The following ARHGAP24 variants were observed in gnomAD, a reference collection of about 807,000 sequenced individuals.
ARHGAP24 encodes the protein rho GTPase-activating protein 24.
Under a neutral mutation model 76.4 loss-of-function variants are expected in ARHGAP24, and 50 were observed. The ratio of observed to expected loss-of-function variants is 0.65; its 90% CI spans 0.52 to 0.83. The LOEUF (loss-of-function observed/expected upper bound fraction) is 0.83. Ranked by LOEUF, ARHGAP24 falls within the 40% of genes least tolerant of loss-of-function variation. The pLI is 0.00. For missense variants in ARHGAP24, 930 were observed against 914.2 expected (o/e 1.02, Z -0.22); for synonymous variants, 345 against 323.3 (o/e 1.07, Z -0.72).
At chr4:85,875,590 T>A (rs1348031620) in intron 3 of ARHGAP24, among the ~76,000 whole-genome samples, 1 of 112,108 alleles carries the variant, frequency 8.9e-6, no homozygotes, top group Non-Finnish European at 1.7e-5. Flanking sequence ...ATATATATTT[T>A]ATATTATATT....
intron 3 of ARHGAP24, among the ~76,000 whole-genome samples, chr4:85,911,743 A>G (rs530176496): frequency 3.9e-5 from 6 of 152,336 alleles, no homozygotes; most frequent in African/African-American, 1.2e-4. Flanking sequence ...TAATTTTTAA[A>G]CATAAGACTA....
chr4:85,477,664 C>T (rs1722651736), intron 1 of ARHGAP24, among the ~76,000 whole-genome samples: 1 of 152,110 alleles, frequency 6.6e-6, no homozygotes, highest in African/African-American at 2.4e-5. Context: ...GATGAGTAGT[C>T]CGAGTATGAT....
chr4:85,671,773 GC>G (rs1229906817), intron 2 of ARHGAP24, among the ~76,000 whole-genome samples: 2 of 152,172 alleles, frequency 1.3e-5, no homozygotes, highest in African/African-American at 4.8e-5. Flanking sequence ...GGGTAGGATT[GC>G]CTATAAAAAT....
intron 3 of ARHGAP24, among the ~76,000 whole-genome samples, chr4:85,781,513 A>G (rs1727553465): frequency 6.6e-6 from 1 of 152,074 alleles, no homozygotes; most frequent in Non-Finnish European, 1.5e-5. Context: ...TGATCATTTA[A>G]CTTTATTTGG....
At chr4:85,944,970 C>T (rs1286024380) in intron 5 of ARHGAP24, among the ~76,000 whole-genome samples, 1 of 152,172 alleles carries the variant, frequency 6.6e-6, no homozygotes, top group Non-Finnish European at 1.5e-5. Flanking sequence ...GCCTCAGCCT[C>T]CTGAGTAGCT....
intron 3 of ARHGAP24, among the ~76,000 whole-genome samples, chr4:85,909,518 T>C (rs1330329870): frequency 2.6e-5 from 4 of 152,218 alleles, no homozygotes; most frequent in Non-Finnish European, 2.9e-5. Context: ...TGTCAATCTG[T>C]ATTTGGACTT....
chr4:85,741,037 T>C (rs1489048566), intron 3 of ARHGAP24, among the ~76,000 whole-genome samples: 1 of 152,218 alleles, frequency 6.6e-6, no homozygotes, highest in East Asian at 1.9e-4. Flanking sequence ...TACAAAGAAA[T>C]TGAAGCTTCA....
intron 1 of ARHGAP24, among the ~76,000 whole-genome samples, chr4:85,506,105 C>T (rs558537991): frequency 7.1e-4 from 108 of 152,216 alleles, no homozygotes; most frequent in Non-Finnish European, 4.1e-4. Context: ...CCTGATCATT[C>T]CTCTGGAAGC....
intron 3 of ARHGAP24, among the ~76,000 whole-genome samples, chr4:85,774,399 A>G (rs943897866): frequency 6.6e-6 from 1 of 152,224 alleles, no homozygotes; most frequent in African/African-American, 2.4e-5. Flanking sequence ...TTTAGAAAAC[A>G]TATGTTGCAA....
chr4:85,884,601 T>C (rs374688685), intron 3 of ARHGAP24, among the ~76,000 whole-genome samples: 3 of 152,030 alleles, frequency 2.0e-5, no homozygotes, highest in African/African-American at 7.2e-5. Flanking sequence ...CCTCTGGGGG[T>C]CTATAAACTA....
intron 2 of ARHGAP24, among the ~76,000 whole-genome samples, chr4:85,719,668 A>G (rs1261194126): frequency 6.6e-6 from 1 of 152,200 alleles, no homozygotes; most frequent in African/African-American, 2.4e-5. Flanking sequence ...TTCACTCAAC[A>G]ATACACATTT....
chr4:85,608,946 G>A (rs1348547830), intron 2 of ARHGAP24, among the ~76,000 whole-genome samples: 1 of 152,106 alleles, frequency 6.6e-6, no homozygotes, highest in Non-Finnish European at 1.5e-5. Context: ...AGGCTGCTTA[G>A]GTTTGAATCC....
intron 2 of ARHGAP24, among the ~76,000 whole-genome samples, chr4:85,701,332 G>T (rs79757643): frequency 0.048 from 7,241 of 152,060 alleles, 313 homozygotes; most frequent in East Asian, 0.21. Flanking sequence ...TTGGTTACAT[G>T]GGTAAGTTCT....
chr4:85,974,708 G>T (rs987398291), intron 6 of ARHGAP24, among the ~76,000 whole-genome samples, 180 bp from the exon 7 acceptor site: 3 of 152,158 alleles, frequency 2.0e-5, no homozygotes, highest in Non-Finnish European at 4.4e-5. Context: ...TTAAATCCTT[G>T]TACATCTTTG....
intron 1 of ARHGAP24, among the ~76,000 whole-genome samples, chr4:85,492,204 T>A (rs960943901): frequency 1.3e-5 from 2 of 152,022 alleles, no homozygotes; most frequent in African/African-American, 4.8e-5. Context: ...ATCTTTTTCT[T>A]CCTCTATTCC....
In ARHGAP24 at chr4:85,706,919, A is replaced by G. The variant is rs116558792; in HGVS notation, c.181-14966A>G. ...GAACGCCTTATTTTGTTTATAGTGG[A>G]TTTGTTGTTGTTTTGTGACAGGGTC... On this transcript the variant is annotated intron_variant, in intron 2 of 9. Transcript: ENST00000395184. Among the ~76,000 whole-genome samples, 1,007 of 151,424 alleles carry G rather than the reference A, an allele frequency of 6.7e-3. 7 individuals carry two copies. Among genetic ancestry groups the G allele is most frequent in the African/African-American group, 0.023 (929 of 41,270 alleles).
intron 2 of ARHGAP24, among the ~76,000 whole-genome samples, chr4:85,702,437 CTTAA>C (rs748871727): frequency 3.2e-4 from 49 of 152,062 alleles, no homozygotes; most frequent in Non-Finnish European, 5.7e-4. Flanking sequence ...CAAATATCAA[CTTAA>C]TTAATAATTA....
intron 2 of ARHGAP24, among the ~76,000 whole-genome samples, chr4:85,721,572 A>T (rs1724939832): frequency 6.6e-6 from 1 of 152,172 alleles, no homozygotes; most frequent in African/African-American, 2.4e-5. Flanking sequence ...CAATTAAATA[A>T]TATGGTGCGG....
chr4:85,684,684 G>A (rs1336556404), intron 2 of ARHGAP24, among the ~76,000 whole-genome samples: 2 of 152,194 alleles, frequency 1.3e-5, no homozygotes, highest in Admixed American at 6.5e-5. Context: ...TTCTTTCAGA[G>A]AGAGGCTGTT....
Sources: gnomAD v4.1 joint callset for allele counts (sites outside exome capture counted in the v4.1 genomes callset) on GRCh38, gnomAD v4.1.1 for gene constraint, MANE v1.5 for transcripts, NCBI Gene and HGNC (gene_info 2026-07-23, HGNC 2026-07-21) for gene names.